The following SRRM3 variants were observed in gnomAD, a reference collection of about 807,000 sequenced individuals.
SRRM3 encodes the protein serine/arginine repetitive matrix protein 3.
Under a neutral mutation model 66.2 loss-of-function variants are expected in SRRM3, and 27 were observed. That is an observed-to-expected ratio of 0.41 (90% confidence interval 0.30 to 0.56). The LOEUF (loss-of-function observed/expected upper bound fraction) is 0.56, where lower values mean the gene tolerates loss of function less well. Ranked by LOEUF, SRRM3 falls within the 20% of genes least tolerant of loss-of-function variation. SRRM3 has a pLI of 0.32. For missense variants in SRRM3, 918 were observed against 991.9 expected (o/e 0.93, Z 1.00); for synonymous variants, 391 against 414.9 (o/e 0.94, Z 0.70).
chr7:76,264,532 G>A (rs187503422), intron 8 of SRRM3, among the ~76,000 whole-genome samples: 113 of 152,262 alleles, frequency 7.4e-4, no homozygotes, highest in African/African-American at 2.6e-3. Context: ...CAGCATTTGC[G>A]ACCCAGGGAG....
intron 2 of SRRM3, among the ~76,000 whole-genome samples, chr7:76,237,429 G>T (rs369615555): frequency 2.0e-5 from 3 of 151,940 alleles, no homozygotes; most frequent in Non-Finnish European, 4.4e-5. Flanking sequence ...AAATAAATTA[G>T]CCAGGCATGG....
intron 1 of SRRM3, among the ~76,000 whole-genome samples, chr7:76,216,038 AC>A (rs1800562680): frequency 6.8e-6 from 1 of 146,814 alleles, no homozygotes; most frequent in Non-Finnish European, 1.5e-5. Flanking sequence ...CGATCTCCTG[AC>A]CTCGTGATCT....
chr7:76,272,661 C>A (rs1802242628), intron 11 of SRRM3, among the ~76,000 whole-genome samples: 2 of 151,890 alleles, frequency 1.3e-5, no homozygotes, highest in South Asian at 4.2e-4. Context: ...CAAAAAAAAA[C>A]CCCAAAAAAC....
chr7:76,261,307 AC>A, intron 6 of SRRM3, 44 bp from the exon 7 acceptor site: 8 of 111,408 alleles, frequency 7.2e-5, no homozygotes, highest in East Asian at 7.7e-4. Flanking sequence ...CCAGCCCCCC[AC>A]CCCCCACCCC....
intron 1 of SRRM3, among the ~76,000 whole-genome samples, chr7:76,222,894 G>A (rs1800761998): frequency 6.6e-6 from 1 of 152,064 alleles, no homozygotes; most frequent in African/African-American, 2.4e-5. Flanking sequence ...GGAATTACAG[G>A]ATTGAGCCAC....
In SRRM3 at chr7:76,261,402, A is replaced by G; in HGVS notation, c.626A>G (p.His209Arg). The change falls in exon 7 of 15, where the codon CAT (histidine) becomes CGT (arginine). Residue 209 changes from histidine to arginine, a missense_variant. His to Arg is a conservative substitution (Grantham distance 29). Coordinates refer to ENST00000611745, the MANE Select transcript of SRRM3 (RefSeq NM_001110199.3). ...LRKKKKSVKK[H>R]RRDRSDSGSR... ...AAGAAGAAGAAGAGTGTGAAGAAGC[A>G]TCGCCGAGACAGGTACCCTTGCTGC... The G allele has an allele frequency of 6.3e-7, 1 of 1,599,076 alleles. No homozygotes were observed. Among genetic ancestry groups the G allele is most frequent in the Non-Finnish European group, 8.5e-7 (1 of 1,173,162 alleles).
chr7:76,275,986 G>A (rs1802339220), intron 11 of SRRM3, among the ~76,000 whole-genome samples: 2 of 152,000 alleles, frequency 1.3e-5, no homozygotes, highest in Admixed American at 6.6e-5. Flanking sequence ...AGGCTGAGGT[G>A]GGGGGATCAC....
chr7:76,258,100 G>A (rs868978695), intron 3 of SRRM3, among the ~76,000 whole-genome samples: 5 of 152,188 alleles, frequency 3.3e-5, no homozygotes, highest in African/African-American at 7.2e-5. Flanking sequence ...CCTGCTGAGC[G>A]AAAAGGAGAG....
chr7:76,231,694 C>A (rs1243630152), intron 1 of SRRM3, among the ~76,000 whole-genome samples: 5 of 152,270 alleles, frequency 3.3e-5, no homozygotes, highest in African/African-American at 9.6e-5. Flanking sequence ...ATAGGAGTTA[C>A]AAGCAAACAG....
At chr7:76,265,662 C>T (rs901720692) in intron 10 of SRRM3, among the ~76,000 whole-genome samples, 194 bp downstream of exon 10, 6 of 150,334 alleles carry the variant, frequency 4.0e-5, no homozygotes, top group African/African-American at 9.8e-5. Flanking sequence ...GCAGAAGGAT[C>T]GCTTGAGGCC....
intron 1 of SRRM3, among the ~76,000 whole-genome samples, chr7:76,222,177 A>G (rs1421330497): frequency 6.6e-6 from 1 of 152,132 alleles, no homozygotes; most frequent in Non-Finnish European, 1.5e-5. Context: ...GAGCTTTGGG[A>G]GGCCAAGGCA....
chr7:76,285,956 G>T lies in SRRM3; in HGVS notation c.*113G>T. Reference sequence around the variant, plus strand: ...TCCTTGCCCCCAAGGCTACAAAGAGGTCTCAGGGCCAGTGCACGGGCAGAT... The same window carrying T: ...TCCTTGCCCCCAAGGCTACAAAGAGTTCTCAGGGCCAGTGCACGGGCAGAT... On this transcript the variant is annotated 3_prime_UTR_variant, in exon 15 of 15. Coordinates refer to ENST00000611745, the MANE Select transcript of SRRM3 (RefSeq NM_001110199.3). This position sits in a 1 kb window ranked among gnomAD's most constrained non-coding sequence, Gnocchi z 4.1. 8.3e-7 allele frequency: 1 copy of T among 1,205,558 alleles called. No individual in the cohort carries two copies. The highest frequency in any genetic ancestry group is 1.1e-6 in the Non-Finnish European group (1 of 872,308). 74.7% of individuals were successfully genotyped at this position (1,205,558 alleles called of 1,614,324 possible). A position where few individuals can be genotyped will look rare whatever the true frequency, so the allele number is the denominator to read the frequency against.
At chr7:76,262,294 C>A (rs1554608876) in intron 8 of SRRM3, among the ~76,000 whole-genome samples, 1 of 151,546 alleles carries the variant, frequency 6.6e-6, no homozygotes. Context: ...TCGCTTGAGG[C>A]CAGGAGTTTG....
chr7:76,204,463 G>T (rs1027336692), intron 1 of SRRM3, among the ~76,000 whole-genome samples: 2 of 152,126 alleles, frequency 1.3e-5, no homozygotes, highest in African/African-American at 4.8e-5. Flanking sequence ...AAGGCCTGAA[G>T]GTGTGATGGG....
rs143628018 is a variant in SRRM3, at chr7:76,271,320, A to T, written c.1008+3885A>T. Among the ~76,000 whole-genome samples the T allele has an allele frequency of 6.5e-3, 994 of 151,976 alleles. 8 individuals carry two copies. The highest frequency in any genetic ancestry group is 0.018 in the African/African-American group (760 of 41,432). On this transcript the variant is annotated intron_variant, in intron 11 of 14. Transcript: ENST00000611745. Reference sequence around the variant, plus strand: ...GTATCTCTACAAAAAATATATATATATTTTTAATCAGCCAGGCATGGTGGC... The same window carrying T: ...GTATCTCTACAAAAAATATATATATTTTTTTAATCAGCCAGGCATGGTGGC...
At position 76,286,101 on chromosome 7, in the gene SRRM3, C is replaced by T. The variant is rs570937660; in HGVS notation, c.*258C>T. ...CCACTGTGCCCGGGGAACAAAGAGC[C>T]GTTACGAACACAGGAATCTCCCCAT... On this transcript the variant is annotated 3_prime_UTR_variant, in exon 15 of 15. Coordinates refer to ENST00000611745, the MANE Select transcript of SRRM3 (RefSeq NM_001110199.3). 3.2e-5 allele frequency: 18 copies of T among 561,318 alleles called. No homozygotes were observed. The highest frequency in any genetic ancestry group is 2.7e-4 in the Middle Eastern group (1 of 3,752). 34.8% of individuals were successfully genotyped at this position (561,318 alleles called of 1,614,324 possible).
chr7:76,274,872 G>A lies in SRRM3; in HGVS notation c.1009-6569G>A, dbSNP rs192137628. Among the ~76,000 whole-genome samples the A allele has an allele frequency of 2.6e-4, 40 of 152,330 alleles. 2 individuals carry two copies. The East Asian group carries it at 5.8e-3, about 22-fold the overall frequency. ...TGTAATCCCAGCACTCTGGGAGGCC[G>A]AGGTGGGCGGATCACTTGAGGTCTG... On this transcript the variant is annotated intron_variant, in intron 11 of 14. Transcript: ENST00000611745.
rs1554608286 is a variant in SRRM3, at chr7:76,259,935, G to C, written c.365G>C (p.Gly122Ala). 6.2e-7 allele frequency: 1 copy of C among 1,601,930 alleles called. No individual in the cohort carries two copies. The highest frequency in any genetic ancestry group is 1.1e-5 in the South Asian group (1 of 90,994). Residue 122 changes from glycine to alanine, a missense_variant, in exon 4 of 15, where the codon GGC (glycine) becomes GCC (alanine). Transcript: ENST00000611745. The stretch of plus-strand genomic sequence containing the variant: ...GCGGAGACCCCGCGGCTGACCGAGG[G>C]CGCTGAGCCGGGCCTGGAGTACGCG... Reference protein sequence around the residue: ...IVAETPRLTEGAEPGLEYAPF... With the variant: ...IVAETPRLTEAAEPGLEYAPF...
At chr7:76,249,969 C>T (rs954567740) in intron 3 of SRRM3, among the ~76,000 whole-genome samples, 1 of 152,088 alleles carries the variant, frequency 6.6e-6, no homozygotes, top group East Asian at 1.9e-4. Flanking sequence ...CATTCATTTG[C>T]TGTTCCGCTA....
Sources: gnomAD v4.1 joint callset for allele counts (sites outside exome capture counted in the v4.1 genomes callset) on GRCh38, gnomAD v4.1.1 for gene constraint, Gnocchi (gnomAD v3.1) non-coding constraint, MANE v1.5 for transcripts, NCBI Gene and HGNC (gene_info 2026-07-23, HGNC 2026-07-21) for gene names.